OCA2: variants seen among roughly 807,000 people sequenced by gnomAD.
OCA2 encodes the protein P protein.
A neutral mutation model predicts 100.2 loss-of-function variants in OCA2; 77 were observed. The ratio of observed to expected loss-of-function variants is 0.77; its 90% CI spans 0.64 to 0.93. OCA2 has a LOEUF of 0.93. Among genes scored for constraint, OCA2 ranks in the 40% least tolerant of loss-of-function variants. The probability of loss-of-function intolerance (pLI) is 0.00; values close to 1 mark genes in which losing one functional copy is unlikely to be tolerated. For missense variants in OCA2, 1,062 were observed against 1,089.1 expected (o/e 0.98, Z 0.35); for synonymous variants, 432 against 439.2 (o/e 0.98, Z 0.21).
chr15:28,019,537 G>A (rs941498382), intron 6 of OCA2, among the ~76,000 whole-genome samples: 4 of 152,144 alleles, frequency 2.6e-5, no homozygotes, highest in Non-Finnish European at 5.9e-5. Context: ...TGCTGCGGGA[G>A]ACACTGAGGT....
At chr15:27,890,254 G>T (rs906111788) in intron 19 of OCA2, among the ~76,000 whole-genome samples, 5 of 152,094 alleles carry the variant, frequency 3.3e-5, no homozygotes, top group African/African-American at 1.2e-4. Flanking sequence ...GTACTAGAAG[G>T]ATAAAAGAAT....
the OCA2 span, among the ~76,000 whole-genome samples, chr15:27,739,735 A>G: frequency 6.6e-6 from 1 of 152,000 alleles, no homozygotes; most frequent in African/African-American, 2.4e-5. Flanking sequence ...TGTGAGCCAC[A>G]GCGCCTGGCC....
At chr15:27,849,888 A>G (rs755839590) in intron 22 of OCA2, among the ~76,000 whole-genome samples, 15 of 152,302 alleles carry the variant, frequency 9.8e-5, no homozygotes, top group Admixed American at 3.9e-4. Flanking sequence ...CCTTGAGAGA[A>G]TAAGTGTAGA....
chr15:27,847,247 A>G (rs541873288), intron 22 of OCA2, among the ~76,000 whole-genome samples: 1 of 152,266 alleles, frequency 6.6e-6, no homozygotes, highest in East Asian at 1.9e-4. Context: ...CACGTGTGCG[A>G]CCACCTCCTC....
At chr15:27,994,465 T>C (rs569952492) in intron 9 of OCA2, among the ~76,000 whole-genome samples, 3 of 152,240 alleles carry the variant, frequency 2.0e-5, no homozygotes, top group African/African-American at 4.8e-5. Flanking sequence ...GCACACCTCT[T>C]CCTACACCCA....
chr15:28,082,684 A>C (rs2044684782), intron 1 of OCA2, among the ~76,000 whole-genome samples: 1 of 152,202 alleles, frequency 6.6e-6, no homozygotes, highest in Admixed American at 6.5e-5. Flanking sequence ...TAAATTACAT[A>C]CATACAACAG....
chr15:28,004,055 A>G (rs2042014158), intron 9 of OCA2, among the ~76,000 whole-genome samples: 1 of 152,226 alleles, frequency 6.6e-6, no homozygotes, highest in Non-Finnish European at 1.5e-5. Flanking sequence ...CAGGTCTGCA[A>G]GACACCCTGC....
intron 23 of OCA2, among the ~76,000 whole-genome samples, chr15:27,814,945 TAC>T (rs2034237252): frequency 4.7e-5 from 5 of 107,352 alleles, no homozygotes; most frequent in African/African-American, 1.7e-4. Context: ...GATAGATAGA[TAC>T]AGAGATATAT....
intron 9 of OCA2, among the ~76,000 whole-genome samples, chr15:27,997,509 A>G (rs2041788588): frequency 6.6e-6 from 1 of 151,770 alleles, no homozygotes; most frequent in Admixed American, 6.6e-5. Flanking sequence ...GTTATTTCTG[A>G]GGGCTCTGTT....
intron 19 of OCA2, among the ~76,000 whole-genome samples, chr15:27,875,371 A>G (rs1246679013): frequency 5.9e-5 from 9 of 152,154 alleles, no homozygotes; most frequent in Admixed American, 3.3e-4. Context: ...CTTAATCTAT[A>G]TCTATCTTTT....
intron 21 of OCA2, among the ~76,000 whole-genome samples, chr15:27,868,095 T>C (rs2036395531): frequency 6.6e-6 from 1 of 152,174 alleles, no homozygotes; most frequent in Non-Finnish European, 1.5e-5. Context: ...GCAGCCGCAG[T>C]GTGCAGAAGC....
intron 22 of OCA2, among the ~76,000 whole-genome samples, chr15:27,850,274 G>A (rs1272400681): frequency 6.6e-6 from 1 of 152,150 alleles, no homozygotes; most frequent in African/African-American, 2.4e-5. Context: ...GTTACAGGAC[G>A]TGTCAGTCTA....
At chr15:28,065,163 C>T (rs1001031246) in intron 2 of OCA2, among the ~76,000 whole-genome samples, 1 of 152,134 alleles carries the variant, frequency 6.6e-6, no homozygotes, top group African/African-American at 2.4e-5. Context: ...ACTTCATCAA[C>T]AATTATCAAG....
chr15:27,742,832 C>T, the OCA2 span, among the ~76,000 whole-genome samples: 208 of 152,288 alleles, frequency 1.4e-3, no homozygotes, highest in Middle Eastern at 6.8e-3. Flanking sequence ...AGTCTGGAAG[C>T]AGCACACATG....
chr15:27,854,384 C>T (rs1490514210), intron 21 of OCA2, among the ~76,000 whole-genome samples: 1 of 152,192 alleles, frequency 6.6e-6, no homozygotes, highest in East Asian at 1.9e-4. Context: ...GTCTGGTTCT[C>T]GAGAGTTGCC....
rs190582785 is a variant in OCA2 at position 28,081,044 on chromosome 15, C to T, written c.227+604G>A. Among the ~76,000 whole-genome samples, 494 of 152,132 alleles carry T rather than the reference C, an allele frequency of 3.2e-3. 5 individuals carry two copies. Among genetic ancestry groups the T allele is most frequent in the African/African-American group, 0.011 (460 of 41,498 alleles). On this transcript the variant is annotated intron_variant, in intron 2 of 23. Coordinates refer to ENST00000354638, the MANE Select transcript of OCA2 (RefSeq NM_000275.3). The stretch of plus-strand genomic sequence containing the variant: ...CTCACGACAAGTGGGCGCTAACCCC[C>T]GGGTGCACATGGACATAAAGAAGGC...
Position 27,985,010 on chromosome 15 carries a change from C to G in OCA2, c.1364+54G>C, listed in dbSNP as rs571044607. On this transcript the variant is annotated intron_variant, in intron 13 of 23. Coordinates refer to ENST00000354638, the MANE Select transcript of OCA2 (RefSeq NM_000275.3). ...CTGGAGCCAGGCAGTGCAGGCAGAG[C>G]CCCTGCCTGCCAGAACCTGGCCGCA... 8 of 1,603,306 alleles carry G rather than the reference C, an allele frequency of 5.0e-6. No individual in the cohort carries two copies. The Admixed American group carries it at 5.0e-5, about 10-fold the overall frequency.
intron 18 of OCA2, among the ~76,000 whole-genome samples, chr15:27,932,632 G>C (rs1220501036): frequency 6.6e-6 from 1 of 152,156 alleles, no homozygotes; most frequent in East Asian, 1.9e-4. Flanking sequence ...TTTTGAAGGA[G>C]GGTTCTAGCA....
chr15:27,741,748 G>A, the OCA2 span, among the ~76,000 whole-genome samples: 11 of 152,284 alleles, frequency 7.2e-5, no homozygotes, highest in South Asian at 6.2e-4. Flanking sequence ...GGGAGGGGAC[G>A]GGGGCTTCTT....
Sources: gnomAD v4.1 joint callset for allele counts (sites outside exome capture counted in the v4.1 genomes callset) on GRCh38, gnomAD v4.1.1 for gene constraint, MANE v1.5 for transcripts, NCBI Gene and HGNC (gene_info 2026-07-23, HGNC 2026-07-21) for gene names.